The following SLC7A11 variants were observed in gnomAD, a reference collection of about 807,000 sequenced individuals.
SLC7A11 encodes the protein solute carrier family 7 member 11.
SLC7A11 carries 35 observed loss-of-function variants against 54.5 expected under a neutral mutation model. The observed-to-expected ratio is 0.64, with a 90% CI of 0.49 to 0.85. SLC7A11 has a LOEUF of 0.85. Ranked by LOEUF, SLC7A11 falls within the 40% of genes least tolerant of loss-of-function variation. SLC7A11 has a pLI of 0.00. For synonymous variants in SLC7A11, 230 were observed against 225.2 expected, an observed-to-expected ratio of 1.02 and a Z score of -0.19; for missense variants, 583 against 618.1, an observed-to-expected ratio of 0.94 and a Z score of 0.60.
At chr4:138,226,765 G>A (rs1048048987) in intron 3 of SLC7A11, among the ~76,000 whole-genome samples, 5 of 152,156 alleles carry the variant, frequency 3.3e-5, no homozygotes, top group African/African-American at 1.2e-4. Context: ...TACCCACATT[G>A]CAATAATGAA....
intron 3 of SLC7A11, 111 bp from the exon 4 acceptor site, chr4:138,223,435 T>C (rs1737865611): frequency 1.8e-6 from 2 of 1,139,038 alleles, no homozygotes; most frequent in Non-Finnish European, 2.5e-6. Flanking sequence ...TGACATTACT[T>C]AGAAGTGTTT....
chr4:138,198,847 G>T lies in SLC7A11; in HGVS notation c.792-13603C>A, dbSNP rs553733723. ...AAGAATATTGGCACATCCCCACAAA[G>T]AAATATTATACTAGCATTAAAAATG... is the stretch of plus-strand genomic sequence containing the variant. On this transcript the variant is annotated intron_variant, in intron 6 of 11. Transcript: ENST00000280612. 1.1e-4 allele frequency among the ~76,000 whole-genome samples: 17 copies of T among 152,148 alleles called. No individual in the cohort carries two copies. In the South Asian group the frequency reaches 3.3e-3, roughly 30 times the overall value.
intron 11 of SLC7A11, chr4:138,174,728 G>A (rs147795618): frequency 1.4e-4 from 21 of 152,258 alleles, no homozygotes; most frequent in African/African-American, 1.9e-4. Flanking sequence ...TAATCAACCC[G>A]CGGTACTCTT....
chr4:138,221,138 A>C (rs1252896478), intron 4 of SLC7A11, among the ~76,000 whole-genome samples: 1 of 152,186 alleles, frequency 6.6e-6, no homozygotes, highest in Non-Finnish European at 1.5e-5. Context: ...AGCACCAAAT[A>C]ATCCATAAGA....
chr4:138,190,376 A>G (rs941060706), intron 6 of SLC7A11, among the ~76,000 whole-genome samples: 1 of 152,170 alleles, frequency 6.6e-6, no homozygotes, highest in Non-Finnish European at 1.5e-5. Context: ...GCTGTAATTT[A>G]TCTCAACATA....
At position 138,170,595 on chromosome 4, in the gene SLC7A11, G is replaced by A. The variant is rs914180109; in HGVS notation, c.*1361C>T. 4.0e-5 allele frequency: 6 copies of A among 151,846 alleles called. No individual in the cohort carries two copies. The highest frequency in any genetic ancestry group is 5.9e-5 in the Non-Finnish European group (4 of 67,984). 9.4% of individuals were successfully genotyped at this position (151,846 alleles called of 1,614,324 possible). A position where few individuals can be genotyped will look rare whatever the true frequency, so the allele number is the denominator to read the frequency against. On this transcript the variant is annotated 3_prime_UTR_variant, in exon 12 of 12. Coordinates refer to ENST00000280612, the MANE Select transcript of SLC7A11 (RefSeq NM_014331.4). Reference sequence around the variant, plus strand: ...CTCCCAAAGTGCTGGGATTACAGATGTAAGCCACCATGCCCGGCTCACAGT... The same window carrying A: ...CTCCCAAAGTGCTGGGATTACAGATATAAGCCACCATGCCCGGCTCACAGT...
intron 5 of SLC7A11, among the ~76,000 whole-genome samples, chr4:138,216,894 A>C (rs796590495): frequency 2.6e-5 from 4 of 152,324 alleles, no homozygotes; most frequent in African/African-American, 9.6e-5. Context: ...TCTACAACCC[A>C]GTCTTGTAAT....
Position 138,166,658 on chromosome 4 carries a change from A to C in SLC7A11, c.*5298T>G, listed in dbSNP as rs1736267748. ...CTACAGTTTTGTGAGAGAATTGTTA[A>C]CTGTAAAGCTGTAAAGGCGGTTATT... On this transcript the variant is annotated 3_prime_UTR_variant, in exon 12 of 12. Transcript: ENST00000280612. 6.6e-6 allele frequency: 1 copy of C among 152,602 alleles called. No individual in the cohort carries two copies. The highest frequency in any genetic ancestry group is 2.4e-5 in the African/African-American group (1 of 41,448). 9.5% of individuals were successfully genotyped at this position (152,602 alleles called of 1,614,324 possible).
At chr4:138,173,928 T>G (rs2148406838) in intron 11 of SLC7A11, among the ~76,000 whole-genome samples, 1 of 152,220 alleles carries the variant, frequency 6.6e-6, no homozygotes, top group South Asian at 2.1e-4. Flanking sequence ...AAAGGAAATA[T>G]TAATAAATAG....
intron 5 of SLC7A11, among the ~76,000 whole-genome samples, chr4:138,217,923 C>T (rs190995567): frequency 9.7e-4 from 147 of 152,282 alleles, no homozygotes; most frequent in African/African-American, 3.3e-3. Flanking sequence ...AGCAAAAAGA[C>T]TTCAAAAATA....
intron 6 of SLC7A11, among the ~76,000 whole-genome samples, chr4:138,213,592 T>A (rs1374043098): frequency 6.6e-6 from 1 of 151,534 alleles, no homozygotes; most frequent in Non-Finnish European, 1.5e-5. Context: ...CTCATTTATA[T>A]TTACCTAAGG....
chr4:138,214,796 T>G (rs1737640937), intron 5 of SLC7A11, among the ~76,000 whole-genome samples, 167 bp from the exon 6 acceptor site: 1 of 152,192 alleles, frequency 6.6e-6, no homozygotes, highest in Non-Finnish European at 1.5e-5. Context: ...CATTTTTCTA[T>G]TAAGCCATAT....
intron 11 of SLC7A11, among the ~76,000 whole-genome samples, chr4:138,172,997 C>T (rs1346675342): frequency 6.6e-6 from 1 of 152,034 alleles, no homozygotes; most frequent in Non-Finnish European, 1.5e-5. Context: ...GCATGTGCCA[C>T]CACATCCGGC....
At chr4:138,209,768 T>G (rs1737503144) in intron 6 of SLC7A11, among the ~76,000 whole-genome samples, 1 of 151,950 alleles carries the variant, frequency 6.6e-6, no homozygotes, top group African/African-American at 2.4e-5. Flanking sequence ...GAAAAAATAT[T>G]TCATGCTTAT....
At chr4:138,216,385 T>C (rs752592242) in intron 5 of SLC7A11, among the ~76,000 whole-genome samples, 2 of 151,864 alleles carry the variant, frequency 1.3e-5, no homozygotes, top group Non-Finnish European at 2.9e-5. Context: ...ATCACACAAT[T>C]GAAAAAAAAG....
chr4:138,182,068 G>T (rs1287875828), intron 9 of SLC7A11, among the ~76,000 whole-genome samples: 1 of 151,994 alleles, frequency 6.6e-6, no homozygotes, highest in African/African-American at 2.4e-5. Flanking sequence ...TTTCTGCAAA[G>T]ATGAAAGTGA....
intron 6 of SLC7A11, among the ~76,000 whole-genome samples, chr4:138,203,924 A>G (rs1232967525): frequency 6.6e-6 from 1 of 151,922 alleles, no homozygotes; most frequent in African/African-American, 2.4e-5. Flanking sequence ...ACATCCTACT[A>G]CTATCTTGAT....
intron 6 of SLC7A11, among the ~76,000 whole-genome samples, chr4:138,206,991 A>G (rs527903034): frequency 2.8e-5 from 3 of 108,810 alleles, no homozygotes; most frequent in African/African-American, 9.6e-5. Context: ...TTTTCTAAAG[A>G]AAAGCAAAAA....
At chr4:138,193,417 A>T (rs1269537393) in intron 6 of SLC7A11, among the ~76,000 whole-genome samples, 1 of 152,110 alleles carries the variant, frequency 6.6e-6, no homozygotes, top group Non-Finnish European at 1.5e-5. Flanking sequence ...CCAGTAGTTG[A>T]GGTAGGTTTT....
Sources: allele counts gnomAD v4.1 joint callset (sites outside exome capture counted in the v4.1 genomes callset), GRCh38; gene constraint gnomAD v4.1.1; transcripts MANE v1.5; gene names NCBI Gene and HGNC (gene_info 2026-07-23, HGNC 2026-07-21).